The following DPF3 variants were observed in gnomAD, a reference collection of about 807,000 sequenced individuals.
DPF3 encodes zinc finger protein DPF3.
DPF3 carries 18 observed loss-of-function variants against 56.8 expected under a neutral mutation model. The observed-to-expected ratio is 0.32, with a 90% confidence interval of 0.22 to 0.47. DPF3 has a LOEUF of 0.47. Among genes scored for constraint, DPF3 ranks in the 20% least tolerant of loss-of-function variants. The pLI, the probability that DPF3 is intolerant of heterozygous loss-of-function variation, is 1.00. For synonymous variants in DPF3, 188 were observed against 180.2 expected (o/e 1.04, Z -0.35); for missense variants, 403 against 488.8 (o/e 0.82, Z 1.65).
chr14:72,759,399 C>T (rs1196304678), intron 2 of DPF3, among the ~76,000 whole-genome samples: 5 of 152,152 alleles, frequency 3.3e-5, no homozygotes, highest in South Asian at 2.1e-4. Flanking sequence ...CTGGGTGCAG[C>T]GGCTCATGCC....
intron 1 of DPF3, among the ~76,000 whole-genome samples, chr14:72,892,893 C>T (rs1886810391): frequency 6.6e-6 from 1 of 152,080 alleles, no homozygotes; most frequent in Non-Finnish European, 1.5e-5. Context: ...GAGGCCACCC[C>T]TGGCTCCGCG....
chr14:72,726,190 C>T (rs1489973820), intron 4 of DPF3, among the ~76,000 whole-genome samples: 1 of 152,228 alleles, frequency 6.6e-6, no homozygotes, highest in African/African-American at 2.4e-5. Flanking sequence ...ACTGTTGTTG[C>T]TGTTCGTAGA....
chr14:72,761,580 T>C (rs1891071439), intron 2 of DPF3, among the ~76,000 whole-genome samples: 1 of 152,010 alleles, frequency 6.6e-6, no homozygotes, highest in Non-Finnish European at 1.5e-5. Context: ...GGGGAAATTA[T>C]ATCAGAAAAT....
chr14:72,731,765 G>A, intron 4 of DPF3, 42 bp downstream of exon 4: 1 of 1,611,392 alleles, frequency 6.2e-7, no homozygotes, highest in Non-Finnish European at 8.5e-7. Flanking sequence ...GCGCTATGGT[G>A]ACAGGAACAC....
intron 1 of DPF3, among the ~76,000 whole-genome samples, chr14:72,859,083 G>T (rs186680575): frequency 5.3e-4 from 80 of 152,224 alleles, no homozygotes; most frequent in African/African-American, 1.9e-3. Flanking sequence ...TTTCCAGAAA[G>T]AATCTTTATT....
At chr14:72,844,399 A>G (rs1463334227) in intron 1 of DPF3, among the ~76,000 whole-genome samples, 8 of 152,184 alleles carry the variant, frequency 5.3e-5, no homozygotes, top group Non-Finnish European at 1.2e-4. Context: ...GGAGGGGGGA[A>G]AATTCCCCGT....
At chr14:72,802,925 AT>A (rs1007528490) in intron 1 of DPF3, among the ~76,000 whole-genome samples, 29 of 152,034 alleles carry the variant, frequency 1.9e-4, no homozygotes, top group African/African-American at 7.0e-4. Context: ...CAATGACCAC[AT>A]CCTGCCATCA....
At chr14:72,714,040 C>T (rs748346638) in intron 6 of DPF3, among the ~76,000 whole-genome samples, 12 of 152,164 alleles carry the variant, frequency 7.9e-5, no homozygotes, top group South Asian at 6.2e-4. Context: ...GTACCTTTGT[C>T]GGAGGGTTTT....
chr14:72,787,960 C>G (rs1346185110), intron 1 of DPF3, among the ~76,000 whole-genome samples: 1 of 152,210 alleles, frequency 6.6e-6, no homozygotes, highest in Non-Finnish European at 1.5e-5. Flanking sequence ...AAAGTGTGAG[C>G]TCCCCAGGAG....
At chr14:72,779,961 T>C (rs1037365583) in intron 1 of DPF3, among the ~76,000 whole-genome samples, 12 of 152,220 alleles carry the variant, frequency 7.9e-5, no homozygotes, top group African/African-American at 7.2e-5. Flanking sequence ...ACCCCAGCAA[T>C]CCACCCAAGG....
intron 1 of DPF3, among the ~76,000 whole-genome samples, chr14:72,782,223 A>C (rs1010602552): frequency 1.1e-5 from 1 of 87,712 alleles, no homozygotes; most frequent in Non-Finnish European, 2.2e-5. Context: ...CAGCAGCCCA[A>C]GTGATTTTTT....
chr14:72,874,887 T>C lies in DPF3; in HGVS notation c.32+19170A>G, dbSNP rs117181140. Among the ~76,000 whole-genome samples, 209 of 152,340 alleles carry C rather than the reference T, an allele frequency of 1.4e-3. 1 individual carries two copies. Among genetic ancestry groups the C allele is most frequent in the Non-Finnish European group, 2.5e-3 (170 of 68,032 alleles). On this transcript the variant is annotated intron_variant, in intron 1 of 10. Transcript: ENST00000556509. Reference sequence around the variant, plus strand: ...GCCCCACTCTATTGGTACCAATTACTGTATTAGTCCATTTTCACACAGCTG... The same window carrying C: ...GCCCCACTCTATTGGTACCAATTACCGTATTAGTCCATTTTCACACAGCTG...
intron 1 of DPF3, among the ~76,000 whole-genome samples, chr14:72,884,940 C>CTATATA (rs773450437): frequency 0.13 from 3,818 of 29,556 alleles, 713 homozygotes; most frequent in Middle Eastern, 0.24. Flanking sequence ...ACTAAAAATA[C>CTATATA]TATATATATA....
chr14:72,653,867 G>A (rs1181644339), intron 8 of DPF3, among the ~76,000 whole-genome samples: 3 of 152,164 alleles, frequency 2.0e-5, no homozygotes, highest in Non-Finnish European at 1.5e-5. Flanking sequence ...GATTTTATCA[G>A]TTGGGTAAAT....
chr14:72,743,958 T>C (rs1470430465), intron 3 of DPF3, among the ~76,000 whole-genome samples: 1 of 152,224 alleles, frequency 6.6e-6, no homozygotes, highest in Non-Finnish European at 1.5e-5. Context: ...GTTGTGTGTG[T>C]TGTCCTTCAG....
intron 1 of DPF3, among the ~76,000 whole-genome samples, chr14:72,802,481 T>C (rs541492122): frequency 1.9e-4 from 29 of 152,134 alleles, no homozygotes; most frequent in South Asian, 1.0e-3. Flanking sequence ...CTCTTGAGAG[T>C]CACATAGATA....
chr14:72,808,263 T>A (rs1320844620), intron 1 of DPF3, among the ~76,000 whole-genome samples: 1 of 152,114 alleles, frequency 6.6e-6, no homozygotes, highest in Non-Finnish European at 1.5e-5. Context: ...ATGGTCACAT[T>A]AATAACTTTA....
intron 1 of DPF3, among the ~76,000 whole-genome samples, chr14:72,799,768 G>A (rs967727308): frequency 3.9e-5 from 6 of 152,126 alleles, no homozygotes; most frequent in Non-Finnish European, 5.9e-5. Flanking sequence ...GGGGGAAAGA[G>A]GCACTTTCTT....
chr14:72,859,736 G>A (rs1032075177), intron 1 of DPF3, among the ~76,000 whole-genome samples: 2 of 152,108 alleles, frequency 1.3e-5, no homozygotes, highest in Non-Finnish European at 2.9e-5. Flanking sequence ...ACTCAGCAGT[G>A]AACAAGACCA....
Sources: allele counts gnomAD v4.1 joint callset (sites outside exome capture counted in the v4.1 genomes callset), GRCh38; gene constraint gnomAD v4.1.1; transcripts MANE v1.5; gene names NCBI Gene and HGNC (gene_info 2026-07-23, HGNC 2026-07-21).